Variants in PIK3R4 observed in about 807,000 individuals in gnomAD.
PIK3R4 encodes the protein phosphoinositide-3-kinase regulatory subunit 4.
In PIK3R4, 46 loss-of-function variants were observed where a neutral mutation model predicts 136.5. That is an observed-to-expected ratio of 0.34 (90% confidence interval 0.27 to 0.43). The LOEUF is 0.43. PIK3R4 is among the 20% of genes least tolerant of loss of function. The pLI is 1.00. For missense variants in PIK3R4, 1,331 were observed against 1,649.5 expected, an observed-to-expected ratio of 0.81 and a Z score of 3.35; for synonymous variants, 557 against 566.7, an observed-to-expected ratio of 0.98 and a Z score of 0.24.
At chr3:130,725,152 C>T (rs971329418) in intron 6 of PIK3R4, among the ~76,000 whole-genome samples, 2 of 151,428 alleles carry the variant, frequency 1.3e-5, no homozygotes, top group African/African-American at 4.8e-5. Flanking sequence ...GCTAAAATAG[C>T]TAAAACTATT....
At chr3:130,714,373 A>C (rs943137526) in intron 9 of PIK3R4, among the ~76,000 whole-genome samples, 1 of 152,134 alleles carries the variant, frequency 6.6e-6, no homozygotes, top group Non-Finnish European at 1.5e-5. Flanking sequence ...CTCATAAAAC[A>C]AGATGTACAT....
intron 6 of PIK3R4, among the ~76,000 whole-genome samples, chr3:130,726,270 G>A (rs1054267219): frequency 6.6e-6 from 1 of 151,968 alleles, no homozygotes; most frequent in Admixed American, 6.6e-5. Flanking sequence ...TTAATGATAT[G>A]AGAAAATGCT....
chr3:130,745,664 T>C (rs2066848260), intron 1 of PIK3R4, among the ~76,000 whole-genome samples: 1 of 152,216 alleles, frequency 6.6e-6, no homozygotes, highest in Non-Finnish European at 1.5e-5. Context: ...ATTACAAAGT[T>C]ACCATATGAC....
chr3:130,722,793 G>A (rs948076464), intron 7 of PIK3R4, among the ~76,000 whole-genome samples: 10 of 151,164 alleles, frequency 6.6e-5, no homozygotes, highest in East Asian at 2.0e-4. Flanking sequence ...GCGGTGGCTC[G>A]TGCCTGTAAT....
At chr3:130,718,624 A>G in intron 7 of PIK3R4, 90 bp from the exon 8 acceptor site, 1 of 1,317,994 alleles carries the variant, frequency 7.6e-7, no homozygotes, top group Non-Finnish European at 1.1e-6. Context: ...AACTGACAAA[A>G]GGATTTTGCC....
At chr3:130,731,857 C>T (rs1240212649) in intron 4 of PIK3R4, among the ~76,000 whole-genome samples, 3 of 152,166 alleles carry the variant, frequency 2.0e-5, no homozygotes, top group Non-Finnish European at 2.9e-5. Context: ...ATTAGCCAGG[C>T]GTGGTGGCAC....
At chr3:130,690,421 G>T in intron 14 of PIK3R4, 69 bp downstream of exon 14, 1 of 1,016,922 alleles carries the variant, frequency 9.8e-7, no homozygotes, top group Non-Finnish European at 1.4e-6. Flanking sequence ...ACATTGCAGG[G>T]TAGAAAGGAG....
intron 2 of PIK3R4, among the ~76,000 whole-genome samples, chr3:130,737,493 C>G (rs2066792697): frequency 6.6e-6 from 1 of 152,134 alleles, no homozygotes. Flanking sequence ...AACCCTATCT[C>G]TACTGAAAAT....
chr3:130,744,879 T>C lies in PIK3R4; in HGVS notation c.340A>G (p.Ile114Val). The C allele has an allele frequency of 6.2e-7, 1 of 1,614,236 alleles. No individual in the cohort carries two copies. The highest frequency in any genetic ancestry group is 1.1e-5 in the South Asian group (1 of 91,082). The change falls in exon 2 of 20, where the codon ATC becomes GTC. Residue 114 changes from isoleucine to valine, a missense_variant. By Grantham distance (29) the Ile-to-Val change is conservative (BLOSUM62 3). Coordinates refer to ENST00000356763, the MANE Select transcript of PIK3R4 (RefSeq NM_014602.3). ...TTATTCAAGAATGGACGGGTACTGA[T>C]GCGATCATAGAGATTGTCTCGCACA... The part of the protein sequence containing the change: ...QYVRDNLYDR[I>V]STRPFLNNIE...
At chr3:130,715,480 G>A (rs1315992874) in intron 9 of PIK3R4, among the ~76,000 whole-genome samples, 2 of 152,044 alleles carry the variant, frequency 1.3e-5, no homozygotes, top group Non-Finnish European at 2.9e-5. Context: ...GTGTCTCATT[G>A]TGGTTTTGAT....
chr3:130,714,914 G>A lies in PIK3R4; in HGVS notation c.2331+1482C>T, dbSNP rs570118514. Among the ~76,000 whole-genome samples, 20 of 152,174 alleles carry A rather than the reference G, an allele frequency of 1.3e-4. No individual in the cohort carries two copies. In the East Asian group the frequency reaches 3.7e-3, roughly 28 times the overall value. On this transcript the variant is annotated intron_variant, in intron 9 of 19. Transcript: ENST00000356763. ...ATAGTGCTACAATAAACATATATGT[G>A]CATGTGTCTTTATAGTAGAATGATT...
At chr3:130,700,500 T>C (rs1204813702) in intron 13 of PIK3R4, among the ~76,000 whole-genome samples, 1 of 152,206 alleles carries the variant, frequency 6.6e-6, no homozygotes, top group African/African-American at 2.4e-5. Context: ...TGCAAAAGTT[T>C]AGAAAAACAG....
At position 130,705,437 on chromosome 3, in the gene PIK3R4, G is replaced by A. The variant is rs1038045065; in HGVS notation, c.2932+124C>T. ...TCTTACTTACTGCTTCTTCTTCTGG[G>A]TTTCCCAAATAACATTTTTGTTCTT... On this transcript the variant is annotated intron_variant, in intron 12 of 19. Coordinates refer to ENST00000356763, the MANE Select transcript of PIK3R4 (RefSeq NM_014602.3). 9 of 660,456 alleles carry A rather than the reference G, an allele frequency of 1.4e-5. No homozygotes were observed. In the Admixed American group the frequency reaches 1.4e-4, roughly 10 times the overall value. 40.9% of individuals were successfully genotyped at this position (660,456 alleles called of 1,614,324 possible).
intron 10 of PIK3R4, among the ~76,000 whole-genome samples, chr3:130,708,013 T>C (rs1576456031): frequency 6.6e-6 from 1 of 152,214 alleles, no homozygotes; most frequent in South Asian, 2.1e-4. Context: ...TACACCTCCA[T>C]GGTGACAACG....
At chr3:130,710,568 G>C (rs2066627972) in intron 9 of PIK3R4, among the ~76,000 whole-genome samples, 1 of 151,860 alleles carries the variant, frequency 6.6e-6, no homozygotes, top group Non-Finnish European at 1.5e-5. Context: ...AAATATCCTA[G>C]TCATTTAAAT....
chr3:130,700,496 A>C (rs1449781617), intron 13 of PIK3R4, among the ~76,000 whole-genome samples: 2 of 152,242 alleles, frequency 1.3e-5, no homozygotes, highest in African/African-American at 2.4e-5. Flanking sequence ...GCTGTGCAAA[A>C]GTTTAGAAAA....
At chr3:130,721,614 T>C (rs960607955) in intron 7 of PIK3R4, among the ~76,000 whole-genome samples, 2 of 152,206 alleles carry the variant, frequency 1.3e-5, no homozygotes, top group African/African-American at 4.8e-5. Context: ...TGGAGAACAT[T>C]ATGCTATGTA....
At chr3:130,685,758 A>C (rs1355032293) in intron 15 of PIK3R4, among the ~76,000 whole-genome samples, 1 of 152,176 alleles carries the variant, frequency 6.6e-6, no homozygotes, top group African/African-American at 2.4e-5. Flanking sequence ...ACTTCATTAA[A>C]TCCTCAAAGC....
At chr3:130,709,222 A>G (rs1470749826) in intron 9 of PIK3R4, among the ~76,000 whole-genome samples, 2 of 152,200 alleles carry the variant, frequency 1.3e-5, no homozygotes, top group Non-Finnish European at 2.9e-5. Flanking sequence ...ACGGACAAAT[A>G]CTAAGTAATC....
Sources: gnomAD v4.1 joint callset for allele counts (sites outside exome capture counted in the v4.1 genomes callset) on GRCh38, gnomAD v4.1.1 for gene constraint, MANE v1.5 for transcripts, NCBI Gene and HGNC (gene_info 2026-07-23, HGNC 2026-07-21) for gene names.